The following CCDC175 variants were observed in gnomAD, a reference collection of about 807,000 sequenced individuals.
The protein encoded by CCDC175 is coiled-coil domain containing 175.
CCDC175 carries 100 observed loss-of-function variants against 114.6 expected under a neutral mutation model. The observed-to-expected ratio is 0.87, with a 90% CI of 0.74 to 1.03. The LOEUF (loss-of-function observed/expected upper bound fraction) is 1.03, where lower values mean the gene tolerates loss of function less well. Ranked by LOEUF, CCDC175 falls within the 50% of genes least tolerant of loss-of-function variation. The pLI is 0.00. For synonymous variants in CCDC175, 306 were observed against 308.7 expected (o/e 0.99, Z 0.09); for missense variants, 880 against 917.8 (o/e 0.96, Z 0.53).
chr14:59,524,019 A>C (rs1236543396), intron 16 of CCDC175, among the ~76,000 whole-genome samples: 1 of 151,698 alleles, frequency 6.6e-6, no homozygotes, highest in Admixed American at 6.6e-5. Context: ...AAAAAGTCAC[A>C]TTCAACCTGT....
Position 59,573,437 on chromosome 14 carries a change from TG to T in CCDC175, c.244-625del, listed in dbSNP as rs201046295. ...TACATATATAGCATCATCACTTTTC[TG>T]TAAAAAATGAAATTCAATGCAGTTA... On this transcript the variant is annotated intron_variant, in intron 2 of 19. Coordinates refer to ENST00000537690, the MANE Select transcript of CCDC175 (RefSeq NM_001164399.2). Among the ~76,000 whole-genome samples the T allele has an allele frequency of 1.2e-3, 189 of 152,290 alleles. 6 individuals are homozygous for T. The East Asian group carries it at 0.029, about 24-fold the overall frequency.
intron 7 of CCDC175, among the ~76,000 whole-genome samples, chr14:59,558,475 T>C (rs949983246): frequency 2.0e-5 from 3 of 152,130 alleles, no homozygotes; most frequent in African/African-American, 7.2e-5. Flanking sequence ...AGCATATATT[T>C]TGAATATGAA....
chr14:59,555,415 C>T (rs1895822983), intron 7 of CCDC175, among the ~76,000 whole-genome samples: 1 of 152,108 alleles, frequency 6.6e-6, no homozygotes, highest in Non-Finnish European at 1.5e-5. Flanking sequence ...ATTCAACAGC[C>T]CTCCAATGCT....
intron 14 of CCDC175, among the ~76,000 whole-genome samples, chr14:59,529,883 C>A (rs1199530186): frequency 6.6e-6 from 1 of 152,130 alleles, no homozygotes; most frequent in African/African-American, 2.4e-5. Flanking sequence ...GTCAACTTTC[C>A]CACTCTTATG....
intron 7 of CCDC175, among the ~76,000 whole-genome samples, chr14:59,559,994 C>T (rs1212079949): frequency 6.6e-6 from 1 of 151,998 alleles, no homozygotes; most frequent in African/African-American, 2.4e-5. Context: ...TGAGGTAATC[C>T]ATATCTTTCA....
intron 5 of CCDC175, among the ~76,000 whole-genome samples, chr14:59,564,830 T>C (rs1327057630): frequency 1.3e-5 from 2 of 152,198 alleles, no homozygotes; most frequent in African/African-American, 2.4e-5. Context: ...CTGTCACTTA[T>C]ATTCTTACCC....
In CCDC175 at chr14:59,538,833, T is replaced by C. The variant is rs775599740; in HGVS notation, c.1363A>G (p.Thr455Ala). 6.5e-7 allele frequency: 1 copy of C among 1,534,902 alleles called. No individual in the cohort carries two copies. The highest frequency in any genetic ancestry group is 1.2e-5 in the South Asian group (1 of 83,250). ...LERESQRCVITQWKMACLRKK... is the reference protein window; with the variant it reads ...LERESQRCVIAQWKMACLRKK... ...CTCAAGCAAGCCATTTTCCACTGAG[T>C]TATAACACTAGAGATTAGAGCAAAA... Residue 455 changes from threonine to alanine, a missense_variant, in exon 12 of 20, where the codon ACT (threonine) becomes GCT (alanine). Thr to Ala is a moderately conservative substitution (Grantham distance 58). Transcript: ENST00000537690.
chr14:59,546,450 G>A (rs188716976), intron 8 of CCDC175, among the ~76,000 whole-genome samples: 1 of 152,226 alleles, frequency 6.6e-6, no homozygotes, highest in Non-Finnish European at 1.5e-5. Context: ...CTGCACATGT[G>A]CTTGAATCTA....
intron 17 of CCDC175, among the ~76,000 whole-genome samples, chr14:59,520,354 T>C (rs1243369472): frequency 1.3e-5 from 2 of 152,198 alleles, no homozygotes; most frequent in Non-Finnish European, 2.9e-5. Context: ...CTCTTCTCCA[T>C]TGTTAGTGGG....
At chr14:59,564,012 A>G (rs1412026647) in intron 5 of CCDC175, among the ~76,000 whole-genome samples, 153 bp from the exon 6 acceptor site, 2 of 152,206 alleles carry the variant, frequency 1.3e-5, no homozygotes, top group Non-Finnish European at 2.9e-5. Context: ...CCTAAAAACC[A>G]GGGTTTCCTT....
Position 59,538,061 on chromosome 14 carries a change from T to C in CCDC175, c.1585A>G (p.Lys529Glu), listed in dbSNP as rs1343233723. 1 of 1,531,004 alleles carries C rather than the reference T, an allele frequency of 6.5e-7. No individual in the cohort carries two copies. The highest frequency in any genetic ancestry group is 8.8e-7 in the Non-Finnish European group (1 of 1,142,194). The allele number at this position is 1,531,004 out of a possible 1,614,324, so 94.8% of individuals were successfully genotyped here. The change falls in exon 13 of 20, where the codon AAA becomes GAA. Residue 529 changes from lysine (K) to glutamate (E), a missense_variant. Transcript: ENST00000537690. ...LKEEEKAFVN[K>E]EKMLMKELSK... ...AACTCTTTCATTAACATTTTTTCTT[T>C]GTTAACAAATGCTTTCTCCTCTTCT...
At chr14:59,514,380 G>C (rs1383411506) in intron 17 of CCDC175, among the ~76,000 whole-genome samples, 1 of 152,188 alleles carries the variant, frequency 6.6e-6, no homozygotes, top group Non-Finnish European at 1.5e-5. Flanking sequence ...GCTAAAGGTG[G>C]AAGTTCAAAC....
At chr14:59,542,292 T>C (rs544231906) in intron 10 of CCDC175, among the ~76,000 whole-genome samples, 6 of 152,228 alleles carry the variant, frequency 3.9e-5, no homozygotes, top group African/African-American at 2.4e-5. Context: ...TCATATGTGG[T>C]TCATTAATTA....
At chr14:59,546,548 AC>A (rs1407980904) in intron 8 of CCDC175, among the ~76,000 whole-genome samples, 4 of 152,232 alleles carry the variant, frequency 2.6e-5, no homozygotes, top group Admixed American at 6.5e-5. Flanking sequence ...TAAGGCTAGC[AC>A]TTAAAATTCC....
At chr14:59,574,521 A>G (rs1157410909) in intron 2 of CCDC175, among the ~76,000 whole-genome samples, 2 of 152,206 alleles carry the variant, frequency 1.3e-5, no homozygotes, top group African/African-American at 2.4e-5. Context: ...TTGACCAGTT[A>G]TGCAAGGAAT....
At chr14:59,570,070 C>T (rs1896761923) in intron 3 of CCDC175, among the ~76,000 whole-genome samples, 1 of 152,068 alleles carries the variant, frequency 6.6e-6, no homozygotes, top group Admixed American at 6.6e-5. Flanking sequence ...GGGTACCTGC[C>T]CACAGAGAGG....
At chr14:59,523,250 A>G (rs1484609224) in intron 16 of CCDC175, among the ~76,000 whole-genome samples, 1 of 152,256 alleles carries the variant, frequency 6.6e-6, no homozygotes, top group Non-Finnish European at 1.5e-5. Context: ...TGTGAGGGTT[A>G]TCAATGATGG....
chr14:59,558,657 G>T (rs1896058625), intron 7 of CCDC175, among the ~76,000 whole-genome samples: 1 of 152,044 alleles, frequency 6.6e-6, no homozygotes, highest in Non-Finnish European at 1.5e-5. Context: ...GTTTCAGGAA[G>T]GTGAGAAATC....
intron 19 of CCDC175, chr14:59,510,377 T>C (rs1009702430): frequency 2.4e-5 from 7 of 296,776 alleles, no homozygotes; most frequent in African/African-American, 1.1e-4. Context: ...AAAAGCCTTC[T>C]CTGGAAAAAT....
Sources: gnomAD v4.1 joint callset for allele counts (sites outside exome capture counted in the v4.1 genomes callset) on GRCh38, gnomAD v4.1.1 for gene constraint, MANE v1.5 for transcripts, NCBI Gene and HGNC (gene_info 2026-07-23, HGNC 2026-07-21) for gene names.